ATP6V1C1: variants seen among roughly 807,000 people sequenced by gnomAD.
ATP6V1C1 encodes ATPase H+ transporting V1 subunit C1.
In ATP6V1C1, 45 loss-of-function variants were observed where a neutral mutation model predicts 53.9. That is an observed-to-expected ratio of 0.83 (90% confidence interval 0.66 to 1.07). The LOEUF (loss-of-function observed/expected upper bound fraction) is 1.07, where lower values mean the gene tolerates loss of function less well. Among genes scored for constraint, ATP6V1C1 ranks in the 50% least tolerant of loss-of-function variants. The pLI, the probability that ATP6V1C1 is intolerant of heterozygous loss-of-function variation, is 0.00. For synonymous variants in ATP6V1C1, 153 were observed against 155.2 expected (o/e 0.99, Z 0.11); for missense variants, 315 against 440.3 (o/e 0.72, Z 2.55).
intron 1 of ATP6V1C1, among the ~76,000 whole-genome samples, chr8:103,040,116 G>A (rs1396081698): frequency 6.6e-6 from 1 of 151,992 alleles, no homozygotes. Context: ...TAAAAGTTAT[G>A]CTTTTTTTTT....
Position 103,024,991 on chromosome 8 carries a change from G to A in ATP6V1C1, c.-40+3766G>A, listed in dbSNP as rs370363251. Among the ~76,000 whole-genome samples the A allele has an allele frequency of 3.2e-4, 48 of 152,222 alleles. 1 individual carries two copies. The highest frequency in any genetic ancestry group is 1.0e-3 in the African/African-American group (42 of 41,534). On this transcript the variant is annotated intron_variant, in intron 1 of 12. Transcript: ENST00000518738. Reference sequence around the variant, plus strand: ...GCCAGGTAGGCAGTGGAGGAGAAGTGCTTTGGTTACATCGGGGATAAAAGA... The same window carrying A: ...GCCAGGTAGGCAGTGGAGGAGAAGTACTTTGGTTACATCGGGGATAAAAGA...
At chr8:103,066,112 G>T (rs1817485121) in intron 11 of ATP6V1C1, among the ~76,000 whole-genome samples, 1 of 152,090 alleles carries the variant, frequency 6.6e-6, no homozygotes, top group African/African-American at 2.4e-5. Flanking sequence ...TGGACAGTGG[G>T]GACCAAAGGT....
intron 2 of ATP6V1C1, among the ~76,000 whole-genome samples, 156 bp downstream of exon 2, chr8:103,041,124 G>A (rs193212295): frequency 3.0e-4 from 46 of 152,268 alleles, no homozygotes; most frequent in Admixed American, 1.6e-3. Context: ...TGAAATTTTA[G>A]AAGTAAACTA....
At chr8:103,051,249 ATT>A in intron 5 of ATP6V1C1, 105 bp downstream of exon 5, 1 of 780,600 alleles carries the variant, frequency 1.3e-6, no homozygotes, top group Non-Finnish European at 2.0e-6. Flanking sequence ...AGGCAACTTA[ATT>A]ATATTTCACA....
intron 1 of ATP6V1C1, among the ~76,000 whole-genome samples, chr8:103,037,045 T>A (rs527715958): frequency 3.4e-5 from 5 of 146,260 alleles, no homozygotes; most frequent in African/African-American, 1.2e-4. Flanking sequence ...AATGTTAAAG[T>A]TCGAGACAGT....
At chr8:103,028,035 T>A (rs571904763) in intron 1 of ATP6V1C1, among the ~76,000 whole-genome samples, 19 of 152,298 alleles carry the variant, frequency 1.2e-4, no homozygotes, top group African/African-American at 4.6e-4. Flanking sequence ...ACAGTTACAG[T>A]CAGATGAGAT....
intron 8 of ATP6V1C1, 149 bp from the exon 9 acceptor site, chr8:103,062,806 T>G: frequency 1.6e-6 from 1 of 642,728 alleles, no homozygotes. Context: ...CTTCGGTGTT[T>G]GAGGCAATCC....
At chr8:103,040,251 T>C (rs1816972737) in intron 1 of ATP6V1C1, among the ~76,000 whole-genome samples, 1 of 151,912 alleles carries the variant, frequency 6.6e-6, no homozygotes. Context: ...CTGTCTCTAC[T>C]AAAAATACAA....
chr8:103,063,330 A>G, intron 10 of ATP6V1C1, 102 bp downstream of exon 10: 2 of 786,844 alleles, frequency 2.5e-6, no homozygotes, highest in Non-Finnish European at 2.0e-6. Flanking sequence ...TTTGGTTTTA[A>G]GACATTTGAT....
intron 1 of ATP6V1C1, 130 bp from the exon 2 acceptor site, chr8:103,040,664 TTTGC>T: frequency 1.4e-6 from 1 of 705,922 alleles, no homozygotes; most frequent in Non-Finnish European, 2.1e-6. Flanking sequence ...TAAATTTCAC[TTTGC>T]TTGAGATCCT....
intron 1 of ATP6V1C1, among the ~76,000 whole-genome samples, chr8:103,031,676 T>C (rs896763952): frequency 6.6e-6 from 1 of 151,818 alleles, no homozygotes. Flanking sequence ...AACATTGGGG[T>C]TTATTCAACA....
rs1817574637 is a variant in ATP6V1C1, at chr8:103,070,835, G to A, written c.*2088G>A. ...AGCTCTGCTGCTGACGAGCTGTGTG[G>A]TCCTGGGCAGAGTGGTCTCCGAGTT... On this transcript the variant is annotated 3_prime_UTR_variant, in exon 13 of 13. Transcript: ENST00000518738. 1 of 152,252 alleles carries A rather than the reference G, an allele frequency of 6.6e-6. No individual in the cohort carries two copies. Among genetic ancestry groups the A allele is most frequent in the Non-Finnish European group, 1.5e-5 (1 of 68,076 alleles). 9.4% of individuals were successfully genotyped at this position (152,252 alleles called of 1,614,324 possible).
At position 103,070,995 on chromosome 8, in the gene ATP6V1C1, G is replaced by A. The variant is rs1817577840; in HGVS notation, c.*2248G>A. On this transcript the variant is annotated 3_prime_UTR_variant, in exon 13 of 13. Transcript: ENST00000518738. The stretch of plus-strand genomic sequence containing the variant: ...GGTGAGAGGTTGATGCAGGTACTTA[G>A]CCCTTGGGGAACACAGGTAGTTCCT... 1.3e-5 allele frequency: 2 copies of A among 152,292 alleles called. No individual in the cohort carries two copies. Among genetic ancestry groups the A allele is most frequent in the Non-Finnish European group, 1.5e-5 (1 of 68,066 alleles). The allele number at this position is 152,292 out of a possible 1,614,324, so 9.4% of individuals were successfully genotyped here.
intron 8 of ATP6V1C1, among the ~76,000 whole-genome samples, chr8:103,062,118 G>A (rs762317197): frequency 1.3e-5 from 2 of 148,428 alleles, no homozygotes; most frequent in South Asian, 2.1e-4. Flanking sequence ...ATGCATACAG[G>A]CACTTTTATT....
intron 2 of ATP6V1C1, among the ~76,000 whole-genome samples, chr8:103,041,786 C>T (rs777668955): frequency 2.6e-5 from 4 of 151,990 alleles, no homozygotes; most frequent in South Asian, 2.1e-4. Context: ...GCAAGAGAAT[C>T]GCTTGAATCT....
chr8:103,039,473 T>A (rs535899967), intron 1 of ATP6V1C1, among the ~76,000 whole-genome samples: 132 of 152,310 alleles, frequency 8.7e-4, no homozygotes, highest in African/African-American at 2.5e-3. Flanking sequence ...TCTTTTCACA[T>A]TAATTATCTG....
chr8:103,072,627 C>CCT lies in ATP6V1C1; in HGVS notation c.*3880_*3881insCT, dbSNP rs1817604502. The CCT allele has an allele frequency of 6.6e-6, 1 of 152,172 alleles. No homozygotes were observed. The highest frequency in any genetic ancestry group is 1.5e-5 in the Non-Finnish European group (1 of 68,032). The allele number at this position is 152,172 out of a possible 1,614,324, so 9.4% of individuals were successfully genotyped here. A position where few individuals can be genotyped will look rare whatever the true frequency, so the allele number is the denominator to read the frequency against. ...GTCTTTATTTTTCTAGCATAGATAA[C>CCT]AATTGATTCTTTAGATTCATATATG... is the stretch of plus-strand genomic sequence containing the variant. On this transcript the variant is annotated 3_prime_UTR_variant, in exon 13 of 13. Coordinates refer to ENST00000518738, the MANE Select transcript of ATP6V1C1 (RefSeq NM_001695.5).
chr8:103,063,963 C>T (rs1817446283), intron 10 of ATP6V1C1, among the ~76,000 whole-genome samples: 1 of 152,052 alleles, frequency 6.6e-6, no homozygotes, highest in Non-Finnish European at 1.5e-5. Context: ...TCAAAATAAC[C>T]AGCTTTTTAG....
chr8:103,035,076 G>T (rs911995389), intron 1 of ATP6V1C1, among the ~76,000 whole-genome samples: 5 of 152,172 alleles, frequency 3.3e-5, no homozygotes, highest in Admixed American at 3.3e-4. Flanking sequence ...AGGGGTAGAA[G>T]AACTGAGGCC....
Sources: gnomAD v4.1 joint callset for allele counts (sites outside exome capture counted in the v4.1 genomes callset) on GRCh38, gnomAD v4.1.1 for gene constraint, MANE v1.5 for transcripts, NCBI Gene and HGNC (gene_info 2026-07-23, HGNC 2026-07-21) for gene names.